The following RSU1 variants were observed in gnomAD, a reference collection of about 807,000 sequenced individuals.
The protein encoded by RSU1 is Ras suppressor protein 1, also known as rsu-1.
RSU1 carries 26 observed loss-of-function variants against 31.1 expected under a neutral mutation model. The ratio of observed to expected loss-of-function variants is 0.84; its 90% confidence interval spans 0.61 to 1.16. RSU1 has a LOEUF of 1.16. RSU1 is among the 50% of genes most tolerant of loss of function. The pLI is 0.00. For synonymous variants in RSU1, 164 were observed against 136.3 expected, an observed-to-expected ratio of 1.20 and a Z score of -1.41; for missense variants, 320 against 339.1, an observed-to-expected ratio of 0.94 and a Z score of 0.44.
At chr10:16,752,733 T>C (rs1186797587) in intron 6 of RSU1, 80 bp from the exon 7 acceptor site, 2 of 1,136,702 alleles carry the variant, frequency 1.8e-6, no homozygotes, top group Non-Finnish European at 2.6e-6. Context: ...CTATGTCCTC[T>C]CTTCTACTAA....
chr10:16,771,063 T>C (rs1156707078), intron 3 of RSU1, among the ~76,000 whole-genome samples: 3 of 152,048 alleles, frequency 2.0e-5, no homozygotes, highest in Non-Finnish European at 2.9e-5. Flanking sequence ...GCTTTTTTTA[T>C]AAAGCATAGA....
chr10:16,704,549 G>T (rs1385867620), intron 7 of RSU1, among the ~76,000 whole-genome samples: 1 of 152,136 alleles, frequency 6.6e-6, no homozygotes, highest in Non-Finnish European at 1.5e-5. Flanking sequence ...AATATTGTTG[G>T]TATAATCAAT....
chr10:16,662,221 A>T (rs2131528089), intron 8 of RSU1, among the ~76,000 whole-genome samples: 1 of 152,230 alleles, frequency 6.6e-6, no homozygotes, highest in East Asian at 1.9e-4. Context: ...TCAGATTGGC[A>T]CTCCTATTTT....
At chr10:16,753,157 TA>T (rs1263701249) in intron 5 of RSU1, among the ~76,000 whole-genome samples, 157 bp from the exon 6 acceptor site, 1 of 152,156 alleles carries the variant, frequency 6.6e-6, no homozygotes, top group African/African-American at 2.4e-5. Context: ...AGGTCAAACT[TA>T]GATTTACTGG....
At chr10:16,701,300 A>G (rs1202219527) in intron 7 of RSU1, among the ~76,000 whole-genome samples, 1 of 152,230 alleles carries the variant, frequency 6.6e-6, no homozygotes, top group Non-Finnish European at 1.5e-5. Flanking sequence ...CTTGTGGCCC[A>G]TTCTCTTCTG....
chr10:16,725,936 A>G (rs1242441192), intron 7 of RSU1, among the ~76,000 whole-genome samples: 1 of 150,862 alleles, frequency 6.6e-6, no homozygotes, highest in South Asian at 2.1e-4. Context: ...CAAATCAAAA[A>G]GCTATCAAAA....
chr10:16,766,548 C>A (rs1235213373), intron 3 of RSU1, among the ~76,000 whole-genome samples: 1 of 152,150 alleles, frequency 6.6e-6, no homozygotes, highest in Non-Finnish European at 1.5e-5. Context: ...AACTCTGACT[C>A]TACTAAAAAT....
chr10:16,659,104 A>C (rs947433001), intron 8 of RSU1, among the ~76,000 whole-genome samples: 1 of 152,202 alleles, frequency 6.6e-6, no homozygotes, highest in South Asian at 2.1e-4. Context: ...TGTTTTAGAT[A>C]CTAATCGGCT....
At chr10:16,738,910 G>C (rs1836693057) in intron 7 of RSU1, among the ~76,000 whole-genome samples, 1 of 144,572 alleles carries the variant, frequency 6.9e-6, no homozygotes, top group Admixed American at 7.1e-5. Context: ...CCTCCCTGTT[G>C]TCCCTGTGTT....
intron 8 of RSU1, among the ~76,000 whole-genome samples, chr10:16,673,817 C>T (rs904898306): frequency 6.6e-6 from 1 of 152,192 alleles, no homozygotes; most frequent in Non-Finnish European, 1.5e-5. Flanking sequence ...GTTCAGAGAT[C>T]AGGCTCTAAG....
chr10:16,752,462 G>C (rs1836997896), intron 7 of RSU1, 77 bp downstream of exon 7: 3 of 1,027,684 alleles, frequency 2.9e-6, no homozygotes, highest in African/African-American at 3.1e-5. Context: ...AGAGGACAGA[G>C]GTTGTTCAGA....
intron 8 of RSU1, among the ~76,000 whole-genome samples, chr10:16,682,091 A>G: frequency 6.6e-6 from 1 of 152,162 alleles, no homozygotes; most frequent in East Asian, 1.9e-4. Context: ...ACCAATCCAT[A>G]GATCTCCTGG....
intron 7 of RSU1, among the ~76,000 whole-genome samples, chr10:16,715,831 T>C (rs1266149941): frequency 1.3e-5 from 2 of 152,206 alleles, no homozygotes; most frequent in African/African-American, 4.8e-5. Context: ...TTTCTATTTC[T>C]GCAAAAAACA....
intron 2 of RSU1, among the ~76,000 whole-genome samples, chr10:16,789,050 A>G (rs938762156): frequency 6.6e-5 from 10 of 152,222 alleles, no homozygotes; most frequent in Non-Finnish European, 1.5e-4. Context: ...TAGCAAGGAA[A>G]AAAAAATGTT....
At chr10:16,675,725 A>C (rs957718907) in intron 8 of RSU1, among the ~76,000 whole-genome samples, 1 of 152,230 alleles carries the variant, frequency 6.6e-6, no homozygotes, top group African/African-American at 2.4e-5. Flanking sequence ...TAAATGGAGA[A>C]CATCAACATG....
intron 8 of RSU1, among the ~76,000 whole-genome samples, chr10:16,663,316 T>C (rs1186160473): frequency 1.3e-5 from 2 of 152,114 alleles, no homozygotes; most frequent in African/African-American, 2.4e-5. Context: ...TTTTCATGCT[T>C]TCAGAGTGAA....
In RSU1 at chr10:16,625,316, C is replaced by T. The variant is rs573595736; in HGVS notation, c.732-31820G>A. ...GGGTCTGGTTTGTCTTCACCAGGCC[C>T]GCCCCTACCCACTCTCATGATGGCC... is the stretch of plus-strand genomic sequence containing the variant. On this transcript the variant is annotated intron_variant, in intron 8 of 8. Coordinates refer to ENST00000345264, the MANE Select transcript of RSU1 (RefSeq NM_012425.4). 7.2e-5 allele frequency among the ~76,000 whole-genome samples: 11 copies of T among 152,272 alleles called. No homozygotes were observed. In the East Asian group the frequency reaches 1.5e-3, roughly 21 times the overall value.
At chr10:16,673,576 A>T (rs1835161517) in intron 8 of RSU1, among the ~76,000 whole-genome samples, 1 of 152,208 alleles carries the variant, frequency 6.6e-6, no homozygotes, top group Non-Finnish European at 1.5e-5. Flanking sequence ...CTGTGTGGAG[A>T]AAAGCCAAAT....
rs576283239 is a variant in RSU1, at chr10:16,596,607, C to T, written c.732-3111G>A. Among the ~76,000 whole-genome samples, 6 of 152,364 alleles carry T rather than the reference C, an allele frequency of 3.9e-5. No individual in the cohort carries two copies. The South Asian group carries it at 1.2e-3, about 32-fold the overall frequency. On this transcript the variant is annotated intron_variant, in intron 8 of 8. Transcript: ENST00000345264. ...CGGCCTAGGTAGCTTCAGCTACACA[C>T]ACAGCTTCCTTCCAGCCTCAGAGAT...
Sources: allele counts gnomAD v4.1 joint callset (sites outside exome capture counted in the v4.1 genomes callset), GRCh38; gene constraint gnomAD v4.1.1; transcripts MANE v1.5; gene names NCBI Gene and HGNC (gene_info 2026-07-23, HGNC 2026-07-21).